ATP13A3: variants seen among roughly 807,000 people sequenced by gnomAD.
ATP13A3 encodes the protein ATPase 13A3.
ATP13A3 carries 59 observed loss-of-function variants against 158.1 expected under a neutral mutation model. The observed-to-expected ratio is 0.37, with a 90% CI of 0.30 to 0.46. The LOEUF is 0.46. ATP13A3 is among the 20% of genes least tolerant of loss of function. The pLI, the probability that ATP13A3 is intolerant of heterozygous loss-of-function variation, is 1.00. For synonymous variants in ATP13A3, 491 were observed against 504.3 expected (o/e 0.97, Z 0.35); for missense variants, 1,166 against 1,525.2 (o/e 0.76, Z 3.92).
At chr3:194,420,557 A>G (rs1368607589) in intron 30 of ATP13A3, among the ~76,000 whole-genome samples, 2 of 152,148 alleles carry the variant, frequency 1.3e-5, no homozygotes, top group African/African-American at 4.8e-5. Flanking sequence ...ATCTTAGCCA[A>G]AAGCCAAGAG....
chr3:194,437,272 A>T (rs1231055815), intron 19 of ATP13A3, 39 bp downstream of exon 19: 3 of 1,613,968 alleles, frequency 1.9e-6, no homozygotes, highest in Middle Eastern at 1.6e-4. Context: ...AGTTTACTCA[A>T]ATACCAGAAT....
chr3:194,416,570 A>G (rs1008789044), intron 31 of ATP13A3, among the ~76,000 whole-genome samples: 3 of 152,236 alleles, frequency 2.0e-5, no homozygotes, highest in Non-Finnish European at 2.9e-5. Flanking sequence ...TACAGCAAAC[A>G]GTTTATCTAA....
intron 27 of ATP13A3, 96 bp from the exon 28 acceptor site, chr3:194,429,013 C>A (rs1184061066): frequency 3.9e-6 from 3 of 770,376 alleles, no homozygotes; most frequent in Non-Finnish European, 4.0e-6. Flanking sequence ...CCTATAATGA[C>A]AACTTAAAAA....
At chr3:194,461,247 G>A (rs544990655) in intron 3 of ATP13A3, among the ~76,000 whole-genome samples, 2 of 151,914 alleles carry the variant, frequency 1.3e-5, no homozygotes, top group South Asian at 4.2e-4. Context: ...TAGAAAAGTT[G>A]CAAAAATATT....
Position 194,475,626 on chromosome 3 carries a change from C to A in ATP13A3, c.-47+10168G>T, listed in dbSNP as rs1720493951. 2.0e-5 allele frequency among the ~76,000 whole-genome samples: 3 copies of A among 152,080 alleles called. No individual in the cohort carries two copies. The South Asian group carries it at 6.2e-4, about 32-fold the overall frequency. Reference sequence around the variant, plus strand: ...AAGTTGCTATTGAAGAAGTTAATCACCTTATTCACAGCACAACCATCATAA... The same window carrying A: ...AAGTTGCTATTGAAGAAGTTAATCAACTTATTCACAGCACAACCATCATAA... On this transcript the variant is annotated intron_variant, in intron 2 of 33. Transcript: ENST00000645319.
Position 194,427,109 on chromosome 3 carries a change from G to A in ATP13A3, c.3091C>T (p.Gln1031Ter). Residue 1031 changes from glutamine (Q) to a stop codon, truncating the protein, a stop_gained, in exon 29 of 34, where the codon CAA (glutamine) becomes TAA (stop). Coordinates refer to ENST00000645319, the MANE Select transcript of ATP13A3 (RefSeq NM_001367549.1). LOFTEE classifies it high-confidence loss of function. ...QSLGFFWVKQ[Q>*]PWYEVWHPKS... ...GGATGCCACACTTCATACCAAGGTT[G>A]CTGTTTGACCCAAAAAAAACCCAAA... The A allele has an allele frequency of 6.2e-7, 1 of 1,613,326 alleles. No homozygotes were observed. The highest frequency in any genetic ancestry group is 8.5e-7 in the Non-Finnish European group (1 of 1,179,852).
chr3:194,476,635 G>A (rs1054841370), intron 2 of ATP13A3, among the ~76,000 whole-genome samples: 4 of 152,088 alleles, frequency 2.6e-5, no homozygotes, highest in African/African-American at 7.2e-5. Flanking sequence ...CTGAGCCCTC[G>A]TCTCCCTCAT....
At position 194,441,352 on chromosome 3, in the gene ATP13A3, C is replaced by G; in HGVS notation, c.1669G>C (p.Gly557Arg). ...SLTKIEGVLSGDPLDLKMFEA... is the reference protein window; with the variant it reads ...SLTKIEGVLSRDPLDLKMFEA... ...AACATTTTCAGATCAAGTGGATCAC[C>G]AGAGAGCACTCCTTCAATTTTTGTA... The change falls in exon 16 of 34, where the codon GGT (glycine) becomes CGT (arginine). Residue 557 changes from glycine (G) to arginine (R), a missense_variant. Around this residue, in one of 3 missense-constraint regions of ATP13A3, gnomAD observed 997 missense variants for 1,341.2 expected, o/e 0.74. Transcript: ENST00000645319. The G allele has an allele frequency of 6.2e-7, 1 of 1,613,710 alleles. No homozygotes were observed. Among genetic ancestry groups the G allele is most frequent in the South Asian group, 1.1e-5 (1 of 91,042 alleles).
intron 26 of ATP13A3, 92 bp from the exon 27 acceptor site, chr3:194,429,866 C>A: frequency 8.5e-7 from 1 of 1,176,662 alleles, no homozygotes; most frequent in Admixed American, 2.0e-5. Flanking sequence ...TGAACATCAA[C>A]ATTCAACGGC....
intron 2 of ATP13A3, among the ~76,000 whole-genome samples, chr3:194,473,233 C>T (rs539390643): frequency 2.6e-5 from 4 of 152,216 alleles, no homozygotes; most frequent in Admixed American, 2.0e-4. Context: ...AAAAGATGCC[C>T]TGCATTCATG....
chr3:194,468,881 T>C (rs1204138037), intron 2 of ATP13A3, among the ~76,000 whole-genome samples: 3 of 152,144 alleles, frequency 2.0e-5, no homozygotes, highest in Non-Finnish European at 4.4e-5. Context: ...AAACTAAAAT[T>C]AAAAATGCAT....
chr3:194,456,593 C>T (rs9820762), intron 7 of ATP13A3, among the ~76,000 whole-genome samples: 42,957 of 151,784 alleles, frequency 0.28, 7,298 homozygotes, highest in African/African-American at 0.48. Flanking sequence ...CTTTAACATA[C>T]GCAATACACT....
intron 17 of ATP13A3, among the ~76,000 whole-genome samples, chr3:194,438,089 G>A (rs1477802861): frequency 6.6e-6 from 1 of 152,202 alleles, no homozygotes; most frequent in Non-Finnish European, 1.5e-5. Context: ...GAACGCAGGA[G>A]GCAGAGGTTG....
At position 194,438,914 on chromosome 3, in the gene ATP13A3, A is replaced by G; in HGVS notation, c.1769T>C (p.Val590Ala). ...AAGCAGTTGTTTGGGAGGACGAACCACTGTGGGCATAATTCGATTATGAAG... is the reference window on the plus strand; with the variant it reads ...AAGCAGTTGTTTGGGAGGACGAACCGCTGTGGGCATAATTCGATTATGAAG... ...TALHNRIMPT[V>A]VRPPKQLLPE... is the part of the protein sequence containing the mutation. The change falls in exon 17 of 34, where the codon GTG becomes GCG. Residue 590 changes from valine (V) to alanine (A), a missense_variant. Transcript: ENST00000645319. The G allele has an allele frequency of 6.2e-7, 1 of 1,611,120 alleles. No homozygotes were observed. The highest frequency in any genetic ancestry group is 1.1e-5 in the South Asian group (1 of 90,506).
intron 24 of ATP13A3, 63 bp from the exon 25 acceptor site, chr3:194,430,378 T>C (rs1431220962): frequency 2.0e-6 from 3 of 1,518,660 alleles, no homozygotes; most frequent in African/African-American, 2.8e-5. Context: ...ATTTAACTTA[T>C]TAAGACTTTT....
At chr3:194,410,386 G>A (rs74666435) in intron 33 of ATP13A3, among the ~76,000 whole-genome samples, 2,949 of 144,804 alleles carry the variant, frequency 0.02, 69 homozygotes, top group East Asian at 0.075. Flanking sequence ...GCAACATGGT[G>A]AAACCCTATC....
intron 30 of ATP13A3, among the ~76,000 whole-genome samples, chr3:194,421,600 T>A (rs1030278582): frequency 2.7e-5 from 4 of 149,328 alleles, no homozygotes; most frequent in African/African-American, 9.9e-5. Flanking sequence ...TAAAAAGTAA[T>A]TCTACTAAAT....
intron 33 of ATP13A3, among the ~76,000 whole-genome samples, chr3:194,410,296 C>CAAAAAAAAAAAAAAAAAAAAAAAAA (rs772008929): frequency 4.6e-5 from 1 of 21,806 alleles, no homozygotes; most frequent in African/African-American, 1.9e-4. Context: ...CTCCTCTCTG[C>CAAAAAAAAAAAAAAAAAAAAAAAAA]AAAAAAAAAA....
intron 2 of ATP13A3, among the ~76,000 whole-genome samples, chr3:194,493,282 ATGG>A (rs1721166039): frequency 6.6e-6 from 1 of 152,182 alleles, no homozygotes; most frequent in South Asian, 2.1e-4. Context: ...TTTGCACCTG[ATGG>A]ATGACTGAAT....
Sources: gnomAD v4.1 joint callset for allele counts (sites outside exome capture counted in the v4.1 genomes callset) on GRCh38, gnomAD v4.1.1 for gene constraint, gnomAD v4.1.1 regional missense constraint, MANE v1.5 for transcripts, NCBI Gene and HGNC (gene_info 2026-07-23, HGNC 2026-07-21) for gene names.